WNT10A: variants seen among roughly 807,000 people sequenced by gnomAD.
WNT10A encodes the protein protein Wnt-10a.
WNT10A carries 37 observed loss-of-function variants against 36.1 expected under a neutral mutation model. The ratio of observed to expected loss-of-function variants is 1.02; its 90% confidence interval spans 0.79 to 1.35. The LOEUF (loss-of-function observed/expected upper bound fraction) is 1.35, where lower values mean the gene tolerates loss of function less well. Ranked by LOEUF, WNT10A falls within the 40% of genes most tolerant of loss-of-function variation. The probability of loss-of-function intolerance (pLI) is 0.00; values close to 1 mark genes in which losing one functional copy is unlikely to be tolerated. For missense variants in WNT10A, 613 were observed against 601.4 expected, an observed-to-expected ratio of 1.02 and a Z score of -0.20; for synonymous variants, 255 against 254.1, an observed-to-expected ratio of 1.00 and a Z score of -0.03.
chr2:218,885,837 G>T (rs1485472722), intron 2 of WNT10A, among the ~76,000 whole-genome samples: 2 of 140,816 alleles, frequency 1.4e-5, no homozygotes, highest in East Asian at 3.9e-4. Context: ...ATCACCTAAG[G>T]TTCAATTATT....
Position 218,880,991 on chromosome 2 carries a change from G to T in WNT10A, c.-5G>T. On this transcript the variant is annotated 5_prime_UTR_variant, in exon 1 of 4. Transcript: ENST00000258411. The surrounding 1 kb of genome is among the most constrained non-coding windows in gnomAD (Gnocchi z 7.7). ...CCACTCCCAGCCCGTCAGGGCCTGC[G>T]CGCCATGGGCAGCGCCCACCCTCGC... 3.2e-6 allele frequency: 5 copies of T among 1,567,316 alleles called. No individual in the cohort carries two copies. Among genetic ancestry groups the T allele is most frequent in the Non-Finnish European group, 4.3e-6 (5 of 1,155,832 alleles).
Position 218,881,155 on chromosome 2 carries a change from G to C in WNT10A, c.113+47G>C, listed in dbSNP as rs546745985. 23 of 1,554,022 alleles carry C rather than the reference G, an allele frequency of 1.5e-5. No homozygotes were observed. In the African/African-American group the frequency reaches 2.7e-4, roughly 18 times the overall value. On this transcript the variant is annotated intron_variant, in intron 1 of 3. Coordinates refer to ENST00000258411, the MANE Select transcript of WNT10A (RefSeq NM_025216.3). The stretch of plus-strand genomic sequence containing the variant: ...CGCCCTCCTAGAGAGTTGGGACCCC[G>C]GCCTGCAGGGGCCTCTGATGCTCTT...
At chr2:218,880,801 C>T (rs1944502267), upstream of WNT10A, 1 of 519,922 alleles carries the variant, frequency 1.9e-6, no homozygotes. This position sits in a 1 kb window ranked among gnomAD's most constrained non-coding sequence, Gnocchi z 7.7. Context: ...CCCGCCCCCC[C>T]CGAGGGCGGT....
At chr2:218,884,483 C>T (rs1461886774) in intron 2 of WNT10A, among the ~76,000 whole-genome samples, 6 of 152,112 alleles carry the variant, frequency 3.9e-5, no homozygotes, top group East Asian at 1.9e-4. Flanking sequence ...CTGTGGCTTC[C>T]GCTCCCCAGC....
At chr2:218,878,022 G>T (rs1213218625), upstream of WNT10A, among the ~76,000 whole-genome samples, 7 of 152,186 alleles carry the variant, frequency 4.6e-5, no homozygotes, top group African/African-American at 1.7e-4. This position sits in a 1 kb window ranked among gnomAD's most constrained non-coding sequence, Gnocchi z 4.1. Flanking sequence ...TGCCACAGCT[G>T]GAACCATTCT....
upstream of WNT10A, among the ~76,000 whole-genome samples, chr2:218,878,393 C>T (rs562590399): frequency 4.3e-4 from 66 of 152,248 alleles, no homozygotes; most frequent in Admixed American, 6.5e-4. The surrounding 1 kb of genome is among the most constrained non-coding windows in gnomAD (Gnocchi z 4.1). Context: ...CCTCCGGAGG[C>T]TTTTTTGTTT....
rs543596681 is a variant in WNT10A at position 218,883,632 on chromosome 2, G to T, written c.376+1209G>T. 6.0e-5 allele frequency among the ~76,000 whole-genome samples: 9 copies of T among 150,818 alleles called. No individual in the cohort carries two copies. In the South Asian group the frequency reaches 1.7e-3, roughly 28 times the overall value. Reference sequence around the variant, plus strand: ...CCGAGCCCAGCCCGACGCGTGTGGCGGCATGCAGCCGCGAACTAATCCCCG... The same window carrying T: ...CCGAGCCCAGCCCGACGCGTGTGGCTGCATGCAGCCGCGAACTAATCCCCG... On this transcript the variant is annotated intron_variant, in intron 2 of 3. Transcript: ENST00000258411.
intron 2 of WNT10A, among the ~76,000 whole-genome samples, chr2:218,884,952 G>A (rs1002222789): frequency 6.6e-6 from 1 of 152,190 alleles, no homozygotes; most frequent in Non-Finnish European, 1.5e-5. Context: ...ACACTGATTG[G>A]GTTGGGGTCC....
upstream of WNT10A, among the ~76,000 whole-genome samples, chr2:218,876,004 A>G (rs1236044306): frequency 6.6e-6 from 1 of 151,980 alleles, no homozygotes; most frequent in Non-Finnish European, 1.5e-5. Flanking sequence ...CTTCTTTCTC[A>G]TCTCCTTCCC....
chr2:218,885,550 C>G (rs1000340948), intron 2 of WNT10A, among the ~76,000 whole-genome samples: 1 of 152,156 alleles, frequency 6.6e-6, no homozygotes, highest in South Asian at 2.1e-4. Context: ...ATTCACACAG[C>G]AAGCCCTGGG....
chr2:218,883,588 G>T (rs956471331), intron 2 of WNT10A, among the ~76,000 whole-genome samples: 5 of 93,104 alleles, frequency 5.4e-5, no homozygotes, highest in Non-Finnish European at 8.2e-5. Flanking sequence ...CGCGCGCCCC[G>T]GGCGCTGTTT....
Position 218,881,044 on chromosome 2 carries a change from C to A in WNT10A, c.49C>A (p.Gln17Lys). Residue 17 changes from glutamine (Q) to lysine (K), a missense_variant, in exon 1 of 4, where the codon CAG becomes AAG. By Grantham distance (53) the Gln-to-Lys change is moderately conservative (BLOSUM62 1). Coordinates refer to ENST00000258411, the MANE Select transcript of WNT10A (RefSeq NM_025216.3). ...RPWLRLRPQPQPRPALWVLLF... is the reference protein window; with the variant it reads ...RPWLRLRPQPKPRPALWVLLF... ...CTGGCTGCGGCTCCGACCCCAGCCC[C>A]AGCCGCGGCCAGCGCTCTGGGTGCT... 1 of 1,603,362 alleles carries A rather than the reference C, an allele frequency of 6.2e-7. No homozygotes were observed. The highest frequency in any genetic ancestry group is 8.5e-7 in the Non-Finnish European group (1 of 1,175,322).
chr2:218,887,871 A>C (rs1328864352), intron 2 of WNT10A, among the ~76,000 whole-genome samples: 1 of 152,270 alleles, frequency 6.6e-6, no homozygotes, highest in Non-Finnish European at 1.5e-5. Context: ...TCTTGGAACA[A>C]CAATGAGGCA....
chr2:218,879,274 G>A (rs1559411287), upstream of WNT10A, among the ~76,000 whole-genome samples: 1 of 152,242 alleles, frequency 6.6e-6, no homozygotes, highest in African/African-American at 2.4e-5. Flanking sequence ...GGCAATTCCA[G>A]GAATGGGCCT....
the WNT10A span, among the ~76,000 whole-genome samples, chr2:218,874,437 G>C: frequency 6.3e-3 from 953 of 152,314 alleles, 11 homozygotes; most frequent in African/African-American, 0.022. Context: ...GGATCTGCAA[G>C]CTGGAGAAGA....
upstream of WNT10A, among the ~76,000 whole-genome samples, chr2:218,879,981 T>C (rs1424704071): frequency 6.6e-6 from 1 of 152,130 alleles, no homozygotes; most frequent in Admixed American, 6.5e-5. Context: ...GTGGTCCCCA[T>C]GAGCCGCATT....
chr2:218,889,706 C>T (rs917419199), intron 2 of WNT10A, among the ~76,000 whole-genome samples: 1 of 152,178 alleles, frequency 6.6e-6, no homozygotes, highest in Non-Finnish European at 1.5e-5. Flanking sequence ...TGTAGACACA[C>T]AAATTCTGAG....
intron 2 of WNT10A, 70 bp downstream of exon 2, chr2:218,882,493 A>G: frequency 6.3e-7 from 1 of 1,594,542 alleles, no homozygotes; most frequent in South Asian, 1.1e-5. Flanking sequence ...ATTCCCAGCC[A>G]TTTCTAACCC....
chr2:218,886,614 A>G (rs1944580169), intron 2 of WNT10A, among the ~76,000 whole-genome samples: 1 of 151,192 alleles, frequency 6.6e-6, no homozygotes, highest in Admixed American at 6.6e-5. Context: ...GTGTGTCTTA[A>G]CGAGCCGCCC....
Sources: gnomAD v4.1 joint callset for allele counts (sites outside exome capture counted in the v4.1 genomes callset) on GRCh38, gnomAD v4.1.1 for gene constraint, Gnocchi (gnomAD v3.1) non-coding constraint, MANE v1.5 for transcripts, NCBI Gene and HGNC (gene_info 2026-07-23, HGNC 2026-07-21) for gene names.